PPP2R3A: variants seen among roughly 807,000 people sequenced by gnomAD.
The protein encoded by PPP2R3A is protein phosphatase 2 regulatory subunit B''alpha.
Under a neutral mutation model 106.9 loss-of-function variants are expected in PPP2R3A, and 80 were observed. The ratio of observed to expected loss-of-function variants is 0.75; its 90% CI spans 0.62 to 0.90. The LOEUF (loss-of-function observed/expected upper bound fraction) is 0.90, where lower values mean the gene tolerates loss of function less well. PPP2R3A is among the 40% of genes least tolerant of loss of function. The probability of loss-of-function intolerance (pLI) is 0.00; values close to 1 mark genes in which losing one functional copy is unlikely to be tolerated. For synonymous variants in PPP2R3A, 483 were observed against 468.3 expected (o/e 1.03, Z -0.41); for missense variants, 1,386 against 1,350.4 (o/e 1.03, Z -0.41).
intron 10 of PPP2R3A, among the ~76,000 whole-genome samples, chr3:136,093,219 G>T (rs1378866666): frequency 1.3e-5 from 2 of 152,118 alleles, no homozygotes; most frequent in East Asian, 3.9e-4. Context: ...TACCAGCCTG[G>T]GCAACATGGT....
intron 7 of PPP2R3A, chr3:136,079,118 T>C: frequency 2.2e-6 from 1 of 446,290 alleles, no homozygotes; most frequent in Non-Finnish European, 4.5e-6. Context: ...CCTTACTTAC[T>C]CTTTATTTTT....
Position 136,103,269 on chromosome 3 carries a change from C to CT in PPP2R3A, c.3116dup (p.Arg1040LysfsTer14), listed in dbSNP as rs1200661669. On this transcript the variant is annotated frameshift_variant, in exon 12 of 14. Transcript: ENST00000264977. LOFTEE classifies it high-confidence loss of function. ...TTATTTTTATGTAGGCAAAATAACTCTAAGAGATCTGAAGAGGTGCAGAAT... is the reference window on the plus strand; with the variant it reads ...TTATTTTTATGTAGGCAAAATAACTCTTAAGAGATCTGAAGAGGTGCAGAAT... The CT allele has an allele frequency of 1.2e-5, 19 of 1,597,316 alleles. No individual in the cohort carries two copies. The highest frequency in any genetic ancestry group is 1.7e-5 in the Admixed American group (1 of 58,650).
intron 5 of PPP2R3A, among the ~76,000 whole-genome samples, chr3:136,068,967 A>T (rs1936346106): frequency 6.6e-6 from 1 of 152,176 alleles, no homozygotes; most frequent in African/African-American, 2.4e-5. Context: ...AACAAAACCA[A>T]ATGGAGAGAC....
chr3:136,111,135 C>T (rs192975095), intron 13 of PPP2R3A, among the ~76,000 whole-genome samples: 36 of 151,962 alleles, frequency 2.4e-4, no homozygotes, highest in African/African-American at 8.2e-4. Flanking sequence ...CTAGAGGAAA[C>T]AGTGGGAGGA....
intron 2 of PPP2R3A, among the ~76,000 whole-genome samples, chr3:136,017,907 A>G (rs946730233): frequency 3.3e-5 from 5 of 152,196 alleles, no homozygotes; most frequent in Admixed American, 2.0e-4. Context: ...AGCTGATGCT[A>G]TCATCTCAGT....
intron 13 of PPP2R3A, among the ~76,000 whole-genome samples, chr3:136,110,780 A>C (rs1486841785): frequency 1.3e-5 from 2 of 152,250 alleles, no homozygotes; most frequent in Non-Finnish European, 2.9e-5. Context: ...AACTATTTTT[A>C]GCTCACAGGC....
chr3:136,096,392 C>T (rs1393064590), intron 10 of PPP2R3A, among the ~76,000 whole-genome samples: 2 of 152,148 alleles, frequency 1.3e-5, no homozygotes, highest in African/African-American at 2.4e-5. Flanking sequence ...ATGCTGCGTA[C>T]GAAATTAGGA....
At chr3:136,137,821 G>A (rs1328390745) in intron 13 of PPP2R3A, among the ~76,000 whole-genome samples, 3 of 151,950 alleles carry the variant, frequency 2.0e-5, no homozygotes, top group South Asian at 4.1e-4. Context: ...GATTACAGGC[G>A]TGAGCCACCG....
At chr3:136,113,749 C>T (rs766371107) in intron 13 of PPP2R3A, among the ~76,000 whole-genome samples, 26 of 151,310 alleles carry the variant, frequency 1.7e-4, no homozygotes, top group South Asian at 4.2e-4. Context: ...GAGTTGAGAT[C>T]GCACCACTGC....
rs138274566 is a variant in PPP2R3A, at chr3:136,059,771, T to C, written c.2469+10410T>C. Among the ~76,000 whole-genome samples the C allele has an allele frequency of 6.6e-5, 10 of 152,260 alleles. No individual in the cohort carries two copies. The East Asian group carries it at 1.7e-3, about 26-fold the overall frequency. ...TAGACCAGATAAAGAAAATGTGATA[T>C]ATATACCCTATGGAATACTATGCAG... is the stretch of plus-strand genomic sequence containing the variant. On this transcript the variant is annotated intron_variant, in intron 5 of 13. Transcript: ENST00000264977.
intron 13 of PPP2R3A, 51 bp from the exon 14 acceptor site, chr3:136,144,992 C>A: frequency 6.3e-7 from 1 of 1,579,058 alleles, no homozygotes; most frequent in Non-Finnish European, 8.6e-7. Flanking sequence ...TGATTTCTAC[C>A]CAAACTTTAA....
intron 13 of PPP2R3A, among the ~76,000 whole-genome samples, chr3:136,112,625 TCA>T (rs1937610964): frequency 6.6e-6 from 1 of 151,986 alleles, no homozygotes; most frequent in Admixed American, 6.5e-5. Flanking sequence ...CCAAAAGAAA[TCA>T]CAGACAACAT....
chr3:136,031,876 T>C, intron 3 of PPP2R3A, among the ~76,000 whole-genome samples: 1 of 152,222 alleles, frequency 6.6e-6, no homozygotes, highest in East Asian at 1.9e-4. Flanking sequence ...CCTATTTTTA[T>C]AACAGTACCA....
At chr3:136,134,955 GGAA>G (rs1428581340) in intron 13 of PPP2R3A, among the ~76,000 whole-genome samples, 2 of 151,824 alleles carry the variant, frequency 1.3e-5, no homozygotes, top group Non-Finnish European at 2.9e-5. Context: ...CTGCTTTAAA[GGAA>G]GAAGAAATAG....
At chr3:135,966,497 G>T (rs1173594357) in intron 1 of PPP2R3A, among the ~76,000 whole-genome samples, 4 of 151,980 alleles carry the variant, frequency 2.6e-5, no homozygotes, top group African/African-American at 9.7e-5. Context: ...CTCCCGCGCC[G>T]ACCTGGCCGC....
chr3:136,023,758 T>C (rs1213896690), intron 2 of PPP2R3A, among the ~76,000 whole-genome samples: 3 of 152,086 alleles, frequency 2.0e-5, no homozygotes, highest in Admixed American at 2.0e-4. Context: ...TGGTGGTTAC[T>C]TCTAGATCAT....
At chr3:136,055,705 G>T in intron 5 of PPP2R3A, 1 of 782,366 alleles carries the variant, frequency 1.3e-6, no homozygotes, top group South Asian at 1.8e-5. Context: ...TAAGACTCTG[G>T]AGCAACTTAG....
intron 5 of PPP2R3A, among the ~76,000 whole-genome samples, chr3:136,057,820 G>A (rs1333104241): frequency 6.6e-6 from 1 of 152,138 alleles, no homozygotes; most frequent in African/African-American, 2.4e-5. Flanking sequence ...AGGATGTAGA[G>A]AAAAGGGAAT....
chr3:136,139,880 C>T (rs1255475014), intron 13 of PPP2R3A, among the ~76,000 whole-genome samples: 3 of 151,310 alleles, frequency 2.0e-5, no homozygotes, highest in Admixed American at 2.0e-4. Context: ...GTGGTGCATG[C>T]CTGTAATCCC....
Sources: allele counts gnomAD v4.1 joint callset (sites outside exome capture counted in the v4.1 genomes callset), GRCh38; gene constraint gnomAD v4.1.1; transcripts MANE v1.5; gene names NCBI Gene and HGNC (gene_info 2026-07-23, HGNC 2026-07-21).